SDK2: variants seen among roughly 807,000 people sequenced by gnomAD.
The protein encoded by SDK2 is protein sidekick-2.
Under a neutral mutation model 253.9 loss-of-function variants are expected in SDK2, and 105 were observed. That is an observed-to-expected ratio of 0.41 (90% CI 0.35 to 0.49). The LOEUF (loss-of-function observed/expected upper bound fraction) is 0.49. Ranked by LOEUF, SDK2 falls within the 20% of genes least tolerant of loss-of-function variation. The pLI is 0.06. For missense variants in SDK2, 2,608 were observed against 3,003.0 expected, an observed-to-expected ratio of 0.87 and a Z score of 3.07; for synonymous variants, 1,249 against 1,234.9, an observed-to-expected ratio of 1.01 and a Z score of -0.24.
chr17:73,341,859 T>C (rs1394225496), intron 44 of SDK2, among the ~76,000 whole-genome samples: 1 of 152,182 alleles, frequency 6.6e-6, no homozygotes, highest in African/African-American at 2.4e-5. Context: ...TAACTGTATT[T>C]AGTTTTCACA....
intron 27 of SDK2, among the ~76,000 whole-genome samples, chr17:73,392,604 G>A (rs558697691): frequency 1.6e-4 from 24 of 152,268 alleles, no homozygotes; most frequent in African/African-American, 5.1e-4. Context: ...CTTCCAGATC[G>A]TTGTAAGGGT....
intron 1 of SDK2, among the ~76,000 whole-genome samples, chr17:73,635,872 GGA>G (rs1211576908): frequency 6.6e-6 from 1 of 151,672 alleles, no homozygotes; most frequent in Non-Finnish European, 1.5e-5. Context: ...GAGACAAGGA[GGA>G]GAGCAGAAGA....
At chr17:73,363,003 A>G (rs2062654322) in intron 38 of SDK2, among the ~76,000 whole-genome samples, 1 of 152,258 alleles carries the variant, frequency 6.6e-6, no homozygotes, top group Admixed American at 6.5e-5. Flanking sequence ...TGTCCACAGC[A>G]TCTTAGGCAG....
chr17:73,389,183 C>CT (rs61085516), intron 29 of SDK2, among the ~76,000 whole-genome samples: 406 of 99,020 alleles, frequency 4.1e-3, no homozygotes, highest in Middle Eastern at 8.1e-3. Context: ...ATATTCCTTT[C>CT]TTTTTTTTTT....
At position 73,457,281 on chromosome 17, in the gene SDK2, TCCTTC is replaced by T. The variant is rs2063534457; in HGVS notation, c.332-1233_332-1229del. Reference sequence around the variant, plus strand: ...TTCCTTCCTTCCTTCCTTCCTTCCTTCCTTCCCCCCTCCCTCCCTCCCCCTCCCCC... The same window carrying T: ...TTCCTTCCTTCCTTCCTTCCTTCCTTCCCCCTCCCTCCCTCCCCCTCCCCC... On this transcript the variant is annotated intron_variant, in intron 3 of 44. Coordinates refer to ENST00000392650, the MANE Select transcript of SDK2 (RefSeq NM_001144952.2). Among the ~76,000 whole-genome samples, 75 of 28,038 alleles carry T rather than the reference TCCTTC, an allele frequency of 2.7e-3. 2 individuals are homozygous for T. The highest frequency in any genetic ancestry group is 0.015 in the African/African-American group (68 of 4,578). The allele number at this position is 28,038 out of a possible 152,430, so 18.4% of individuals were successfully genotyped here. A position where few individuals can be genotyped will look rare whatever the true frequency, so the allele number is the denominator to read the frequency against.
intron 3 of SDK2, among the ~76,000 whole-genome samples, chr17:73,464,456 C>T (rs908311350): frequency 7.9e-5 from 12 of 152,212 alleles, no homozygotes; most frequent in Non-Finnish European, 1.8e-4. Flanking sequence ...AACCTCTTTC[C>T]TTATAAATTA....
At position 73,465,052 on chromosome 17, in the gene SDK2, T is replaced by C. The variant is rs1250098517; in HGVS notation, c.331+7060A>G. Among the ~76,000 whole-genome samples the C allele has an allele frequency of 2.0e-5, 3 of 152,096 alleles. No homozygotes were observed. Among genetic ancestry groups the C allele is most frequent in the African/African-American group, 7.2e-5 (3 of 41,420 alleles). On this transcript the variant is annotated intron_variant, in intron 3 of 44. Coordinates refer to ENST00000392650, the MANE Select transcript of SDK2 (RefSeq NM_001144952.2). This position sits in a 1 kb window ranked among gnomAD's most constrained non-coding sequence, Gnocchi z 4.2. ...GATTTGAATACTCAGGTAACATGAG[T>C]GCTCCAGAAAGACACATTGATGTTA... is the stretch of plus-strand genomic sequence containing the variant.
intron 44 of SDK2, 65 bp from the exon 45 acceptor site, chr17:73,339,005 C>T (rs988765213): frequency 2.0e-5 from 28 of 1,421,924 alleles, no homozygotes; most frequent in African/African-American, 5.6e-5. Flanking sequence ...TGGTTGGGGC[C>T]GGAAGGCACA....
chr17:73,602,315 G>C (rs999355265), intron 1 of SDK2, among the ~76,000 whole-genome samples: 4 of 152,134 alleles, frequency 2.6e-5, no homozygotes, highest in Admixed American at 6.5e-5. Flanking sequence ...AAGAAAGCGA[G>C]GGCTGCGAGG....
At chr17:73,547,170 A>C (rs939887733) in intron 1 of SDK2, among the ~76,000 whole-genome samples, 1 of 152,178 alleles carries the variant, frequency 6.6e-6, no homozygotes, top group Non-Finnish European at 1.5e-5. Flanking sequence ...CACAGAGTCC[A>C]CGCCCTCCAG....
rs1298796563 is a variant in SDK2 at position 73,502,937 on chromosome 17, A to G, written c.224+4501T>C. On this transcript the variant is annotated intron_variant, in intron 2 of 44. Transcript: ENST00000392650. ...AACCTAACATCACCAATAACGGGGC[A>G]AATTGTCATCAGGCACCTTCCAGTG... Among the ~76,000 whole-genome samples the G allele has an allele frequency of 3.3e-5, 5 of 152,366 alleles. No homozygotes were observed. The East Asian group carries it at 9.6e-4, about 29-fold the overall frequency.
intron 1 of SDK2, among the ~76,000 whole-genome samples, chr17:73,619,006 A>C (rs2046094581): frequency 6.6e-6 from 1 of 152,104 alleles, no homozygotes; most frequent in African/African-American, 2.4e-5. Flanking sequence ...ACCTCTACTA[A>C]AAATACAAAA....
In SDK2 at chr17:73,643,310, C is replaced by T. The variant is rs947600515; in HGVS notation, c.64+715G>A. ...GCGGCTGCACAGACTATCGAGCGAACAGCGGAGGCTGGAGGCAGGGGCGGG... is the reference window on the plus strand; with the variant it reads ...GCGGCTGCACAGACTATCGAGCGAATAGCGGAGGCTGGAGGCAGGGGCGGG... On this transcript the variant is annotated intron_variant, in intron 1 of 44. Transcript: ENST00000392650. The surrounding 1 kb of genome is among the most constrained non-coding windows in gnomAD (Gnocchi z 6.9). 6.6e-6 allele frequency among the ~76,000 whole-genome samples: 1 copy of T among 152,226 alleles called. No individual in the cohort carries two copies. Among genetic ancestry groups the T allele is most frequent in the Non-Finnish European group, 1.5e-5 (1 of 68,026 alleles).
At position 73,541,138 on chromosome 17, in the gene SDK2, G is replaced by A. The variant is rs537774365; in HGVS notation, c.65-33541C>T. On this transcript the variant is annotated intron_variant, in intron 1 of 44. Transcript: ENST00000392650. The surrounding 1 kb of genome is among the most constrained non-coding windows in gnomAD (Gnocchi z 4.3). ...CCGCTACTCCTGGCCAAAGTGGTAT[G>A]AGCACCCTCAGAGCAGCTGTGAGGA... is the stretch of plus-strand genomic sequence containing the variant. 3.3e-5 allele frequency among the ~76,000 whole-genome samples: 5 copies of A among 152,358 alleles called. No individual in the cohort carries two copies. In the South Asian group the frequency reaches 8.3e-4, roughly 25 times the overall value.
chr17:73,541,395 G>T lies in SDK2; in HGVS notation c.65-33798C>A, dbSNP rs1193882858. On this transcript the variant is annotated intron_variant, in intron 1 of 44. Transcript: ENST00000392650. The surrounding 1 kb of genome is among the most constrained non-coding windows in gnomAD (Gnocchi z 4.3). ...TGCAGATGACATCAGAAGGACCAAG[G>T]CTAGCTCGGGCAGCACACTTAGCAC... is the stretch of plus-strand genomic sequence containing the variant. 2.0e-5 allele frequency among the ~76,000 whole-genome samples: 3 copies of T among 152,090 alleles called. No individual in the cohort carries two copies. The highest frequency in any genetic ancestry group is 4.4e-5 in the Non-Finnish European group (3 of 68,006).
intron 3 of SDK2, among the ~76,000 whole-genome samples, chr17:73,469,044 C>G (rs567062024): frequency 6.6e-6 from 1 of 152,072 alleles, no homozygotes; most frequent in Admixed American, 6.6e-5. Flanking sequence ...AGGCTGGTCT[C>G]GAACTCCTGA....
chr17:73,401,677 C>A lies in SDK2; in HGVS notation c.2756G>T (p.Gly919Val). The change falls in exon 20 of 45, where the codon GGA (glycine) becomes GTA (valine). Residue 919 changes from glycine (G) to valine (V), a missense_variant. Coordinates refer to ENST00000392650, the MANE Select transcript of SDK2 (RefSeq NM_001144952.2). The stretch of plus-strand genomic sequence containing the variant: ...ACCTGTGAGGATGCCATTTTTCTCT[C>A]CCGGCTCTTGCCAGCTGACCTTCAG... ...TSLKVSWQEP[G>V]EKNGILTGYR... 6.3e-7 allele frequency: 1 copy of A among 1,593,880 alleles called. No homozygotes were observed. Among genetic ancestry groups the A allele is most frequent in the Non-Finnish European group, 8.6e-7 (1 of 1,169,366 alleles).
intron 18 of SDK2, among the ~76,000 whole-genome samples, chr17:73,404,271 C>T: frequency 6.6e-6 from 1 of 152,138 alleles, no homozygotes; most frequent in Non-Finnish European, 1.5e-5. Context: ...AGCCACTTGT[C>T]CTTCTCCAGT....
At chr17:73,565,187 G>A (rs928947872) in intron 1 of SDK2, among the ~76,000 whole-genome samples, 6 of 152,198 alleles carry the variant, frequency 3.9e-5, no homozygotes, top group African/African-American at 1.4e-4. Context: ...TTGAGGGCAG[G>A]AATCCCAGAA....
Sources: gnomAD v4.1 joint callset for allele counts (sites outside exome capture counted in the v4.1 genomes callset) on GRCh38, gnomAD v4.1.1 for gene constraint, Gnocchi (gnomAD v3.1) non-coding constraint, MANE v1.5 for transcripts, NCBI Gene and HGNC (gene_info 2026-07-23, HGNC 2026-07-21) for gene names.